KALRN: variants seen among roughly 807,000 people sequenced by gnomAD.
The protein encoded by KALRN is kalirin.
Under a neutral mutation model 353.7 loss-of-function variants are expected in KALRN, and 70 were observed. The ratio of observed to expected loss-of-function variants is 0.20; its 90% CI spans 0.16 to 0.24. KALRN has a LOEUF of 0.24. KALRN is among the 10% of genes least tolerant of loss of function. The pLI is 1.00. For missense variants in KALRN, 2,791 were observed against 3,756.7 expected (o/e 0.74, Z 6.72); for synonymous variants, 1,391 against 1,434.8 (o/e 0.97, Z 0.69).
At position 124,205,974 on chromosome 3, in the gene KALRN, C is replaced by A. The variant is rs868039620; in HGVS notation, c.74-22016C>A. On this transcript the variant is annotated intron_variant, in intron 1 of 59. Coordinates refer to ENST00000682506, the MANE Select transcript of KALRN (RefSeq NM_001388419.1). The stretch of plus-strand genomic sequence containing the variant: ...ATATTCTTGTTGCTTTTAAAGAAAC[C>A]ATGTGTATTCTTTATAAAATACATT... Among the ~76,000 whole-genome samples, 5 of 152,210 alleles carry A rather than the reference C, an allele frequency of 3.3e-5. No individual in the cohort carries two copies. In the South Asian group the frequency reaches 1.0e-3, roughly 32 times the overall value.
chr3:124,079,273 A>G (rs934801988), intron 1 of KALRN, among the ~76,000 whole-genome samples: 2 of 152,186 alleles, frequency 1.3e-5, no homozygotes, highest in African/African-American at 4.8e-5. Context: ...AGAGGAGGCC[A>G]CAGAAGATAA....
chr3:124,235,051 T>C, intron 3 of KALRN, 108 bp downstream of exon 3: 1 of 714,264 alleles, frequency 1.4e-6, no homozygotes, highest in Non-Finnish European at 2.5e-6. Context: ...TTTCTGCTCT[T>C]CCAGTGGATT....
chr3:124,035,173 T>TCCTCCTTCCTTC (rs1165220475), intron 1 of KALRN, among the ~76,000 whole-genome samples: 1 of 152,058 alleles, frequency 6.6e-6, no homozygotes. Flanking sequence ...TTTTCTTTCT[T>TCCTCCTTCCTTC]CCTCCTTCCT....
chr3:124,629,555 A>G (rs373828055), intron 34 of KALRN, among the ~76,000 whole-genome samples: 1 of 151,708 alleles, frequency 6.6e-6, no homozygotes, highest in Non-Finnish European at 1.5e-5. Context: ...CTTATTTTTC[A>G]TTTTTCCTGC....
intron 34 of KALRN, among the ~76,000 whole-genome samples, chr3:124,571,238 G>A (rs1283786499): frequency 2.6e-5 from 4 of 152,110 alleles, no homozygotes; most frequent in African/African-American, 4.8e-5. Flanking sequence ...TTTATTAAAC[G>A]CTTAGAGCAG....
chr3:124,548,018 C>G (rs1487362529), intron 33 of KALRN, among the ~76,000 whole-genome samples: 1 of 152,158 alleles, frequency 6.6e-6, no homozygotes, highest in African/African-American at 2.4e-5. Flanking sequence ...AATTTGCTCT[C>G]CATCTAAGCA....
At chr3:124,459,609 A>G (rs2059657368) in intron 23 of KALRN, among the ~76,000 whole-genome samples, 1 of 152,176 alleles carries the variant, frequency 6.6e-6, no homozygotes, top group Non-Finnish European at 1.5e-5. Flanking sequence ...GACAGGGTAA[A>G]CAATGAACCG....
In KALRN at chr3:124,642,803, C is replaced by G. The variant is rs72966611; in HGVS notation, c.5664+5500C>G. 2.7e-4 allele frequency among the ~76,000 whole-genome samples: 35 copies of G among 129,736 alleles called. 1 individual carries two copies. The highest frequency in any genetic ancestry group is 2.8e-4 in the East Asian group (1 of 3,630). The allele number at this position is 129,736 out of a possible 152,430, so 85.1% of individuals were successfully genotyped here. On this transcript the variant is annotated intron_variant, in intron 37 of 59. Coordinates refer to ENST00000682506, the MANE Select transcript of KALRN (RefSeq NM_001388419.1). Reference sequence around the variant, plus strand: ...GCTTCTGTGGAAGAGATTCCCAAGCCTCGTTTTTTTTTTTTTTTTTTTTGA... The same window carrying G: ...GCTTCTGTGGAAGAGATTCCCAAGCGTCGTTTTTTTTTTTTTTTTTTTTGA...
chr3:124,620,164 A>C (rs1326489226), intron 34 of KALRN, among the ~76,000 whole-genome samples: 1 of 152,118 alleles, frequency 6.6e-6, no homozygotes, highest in African/African-American at 2.4e-5. Flanking sequence ...GCAGTGGTGG[A>C]ATCACAGCTC....
At chr3:124,402,668 C>A (rs1362047194) in intron 13 of KALRN, among the ~76,000 whole-genome samples, 1 of 152,056 alleles carries the variant, frequency 6.6e-6, no homozygotes, top group East Asian at 1.9e-4. Context: ...AACTTGCAAC[C>A]CCCTACATAT....
At chr3:124,506,352 G>A (rs1211718226) in intron 33 of KALRN, among the ~76,000 whole-genome samples, 1 of 152,126 alleles carries the variant, frequency 6.6e-6, no homozygotes, top group Non-Finnish European at 1.5e-5. Context: ...ATATGGCCCT[G>A]GTTGTGTTGA....
chr3:124,468,658 T>C (rs2107841381), intron 25 of KALRN, among the ~76,000 whole-genome samples: 1 of 152,368 alleles, frequency 6.6e-6, no homozygotes, highest in African/African-American at 2.4e-5. Context: ...TCTCCCTTGC[T>C]CTATAGAAAC....
intron 59 of KALRN, among the ~76,000 whole-genome samples, 164 bp from the exon 60 acceptor site, chr3:124,718,761 G>A (rs1274342136): frequency 6.6e-6 from 1 of 152,224 alleles, no homozygotes; most frequent in Non-Finnish European, 1.5e-5. Flanking sequence ...ATGATAGTTT[G>A]AAGTATCCTA....
intron 1 of KALRN, among the ~76,000 whole-genome samples, chr3:124,075,150 A>T (rs1444096584): frequency 2.0e-5 from 3 of 152,216 alleles, no homozygotes; most frequent in Non-Finnish European, 4.4e-5. Flanking sequence ...GGATCCTTTC[A>T]TATGAATGGA....
At position 124,642,806 on chromosome 3, in the gene KALRN, G is replaced by GTTGTTTTTTTGTTTTTTTTTT. The variant is rs796628603; in HGVS notation, c.5664+5505_5664+5506insGTTTTTTTGTTTTTTTTTTTT. Among the ~76,000 whole-genome samples, 4 of 96,820 alleles carry GTTGTTTTTTTGTTTTTTTTTT rather than the reference G, an allele frequency of 4.1e-5. No individual in the cohort carries two copies. In the East Asian group the frequency reaches 1.4e-3, roughly 35 times the overall value. 63.5% of individuals were successfully genotyped at this position (96,820 alleles called of 152,430 possible). ...TCTGTGGAAGAGATTCCCAAGCCTCGTTTTTTTTTTTTTTTTTTTTGAGAC... is the reference window on the plus strand; with the variant it reads ...TCTGTGGAAGAGATTCCCAAGCCTCGTTGTTTTTTTGTTTTTTTTTTTTTTTTTTTTTTTTTTTTTTGAGAC... On this transcript the variant is annotated intron_variant, in intron 37 of 59. Transcript: ENST00000682506.
At position 124,323,983 on chromosome 3, in the gene KALRN, G is replaced by A. The variant is rs934623532; in HGVS notation, c.1093-1997G>A. Among the ~76,000 whole-genome samples the A allele has an allele frequency of 3.9e-5, 6 of 152,214 alleles. No individual in the cohort carries two copies. The Middle Eastern group carries it at 0.01, about 259-fold the overall frequency. ...GTGTGCTTGGTCTGTTTGTGGGTTC[G>A]GCTGGAAATGCCAGGAACTTACCCC... is the stretch of plus-strand genomic sequence containing the variant. On this transcript the variant is annotated intron_variant, in intron 6 of 59. Transcript: ENST00000682506.
intron 26 of KALRN, among the ~76,000 whole-genome samples, chr3:124,476,937 A>G (rs2061484449): frequency 6.6e-6 from 1 of 152,256 alleles, no homozygotes; most frequent in African/African-American, 2.4e-5. Context: ...AAATCTGTAA[A>G]TAAGTTCTGT....
intron 38 of KALRN, among the ~76,000 whole-genome samples, chr3:124,652,268 G>A (rs2083497532): frequency 6.6e-6 from 1 of 152,228 alleles, no homozygotes; most frequent in African/African-American, 2.4e-5. Context: ...TGAAAGCAGG[G>A]CTATCACTTC....
Position 124,430,657 on chromosome 3 carries a change from T to C in KALRN, c.2711T>C (p.Val904Ala), listed in dbSNP as rs375809932. The change falls in exon 16 of 60, where the codon GTT becomes GCT. Residue 904 changes from valine (V) to alanine (A), a missense_variant and splice_region_variant. This residue lies in a region of KALRN where 452 missense variants were observed against 575.8 expected (regional missense o/e 0.78). Coordinates refer to ENST00000682506, the MANE Select transcript of KALRN (RefSeq NM_001388419.1). ...LRHLQAEVKQ[V>A]LGWIRNGESM... ...TGTGTGCTTGTCCCGATTCCCTAGGTTCTGGGATGGATCCGCAATGGAGAG... is the reference window on the plus strand; with the variant it reads ...TGTGTGCTTGTCCCGATTCCCTAGGCTCTGGGATGGATCCGCAATGGAGAG... The C allele has an allele frequency of 4.3e-6, 7 of 1,613,920 alleles. No individual in the cohort carries two copies. In the African/African-American group the frequency reaches 5.3e-5, roughly 12 times the overall value.
Sources: allele counts gnomAD v4.1 joint callset (sites outside exome capture counted in the v4.1 genomes callset), GRCh38; gene constraint gnomAD v4.1.1; regional missense constraint gnomAD v4.1.1; transcripts MANE v1.5; gene names NCBI Gene and HGNC (gene_info 2026-07-23, HGNC 2026-07-21).